The following ZSCAN18 variants were observed in gnomAD, a reference collection of about 807,000 sequenced individuals.
ZSCAN18 encodes the protein zinc finger and SCAN domain containing 18.
In ZSCAN18, 16 loss-of-function variants were observed where a neutral mutation model predicts 31.1. That is an observed-to-expected ratio of 0.51 (90% CI 0.35 to 0.78). ZSCAN18 has a LOEUF of 0.78. ZSCAN18 is among the 30% of genes least tolerant of loss of function. The pLI, the probability that ZSCAN18 is intolerant of heterozygous loss-of-function variation, is 0.01. For missense variants in ZSCAN18, 731 were observed against 697.4 expected, an observed-to-expected ratio of 1.05 and a Z score of -0.54; for synonymous variants, 375 against 320.7, an observed-to-expected ratio of 1.17 and a Z score of -1.81.
Position 58,086,006 on chromosome 19 carries a change from A to G in ZSCAN18, c.838+168T>C, listed in dbSNP as rs2074272303. ...GTGGTCTGTCATGCAGCAAGAGACC[A>G]TGGACGTAACTGGATTCCTGCCTCA... On this transcript the variant is annotated intron_variant, in intron 6 of 6. Transcript: ENST00000601144. 5 of 628,468 alleles carry G rather than the reference A, an allele frequency of 8.0e-6. No individual in the cohort carries two copies. The Admixed American group carries it at 8.5e-5, about 11-fold the overall frequency. The allele number at this position is 628,468 out of a possible 1,614,324, so 38.9% of individuals were successfully genotyped here. A position where few individuals can be genotyped will look rare whatever the true frequency, so the allele number is the denominator to read the frequency against.
upstream of ZSCAN18, among the ~76,000 whole-genome samples, chr19:58,102,680 T>A (rs957430902): frequency 1.3e-4 from 18 of 136,692 alleles, no homozygotes; most frequent in African/African-American, 4.6e-4. Context: ...GATATGTCAA[T>A]GTTAATTGTC....
In ZSCAN18 at chr19:58,084,791, C is replaced by G; in HGVS notation, c.1427G>C (p.Gly476Ala). 3 of 1,576,132 alleles carry G rather than the reference C, an allele frequency of 1.9e-6. No individual in the cohort carries two copies. The highest frequency in any genetic ancestry group is 1.3e-5 in the African/African-American group (1 of 74,364). ...EKSYALGGAR[G>A]PQPSTREAQA... is the part of the protein sequence containing the mutation. ...GGCTTCGCGGGTGGACGGTTGGGGG[C>G]CCCGGGCGCCCCCCAGCGCGTAGCT... The change falls in exon 7 of 7, where the codon GGC (glycine) becomes GCC (alanine). Residue 476 changes from glycine to alanine, a missense_variant. Physicochemically the swap from Gly to Ala is moderately conservative, Grantham distance 60 (BLOSUM62 0). Transcript: ENST00000601144. The surrounding 1 kb of genome is among the most constrained non-coding windows in gnomAD (Gnocchi z 4.5).
chr19:58,116,079 G>C (rs927301510), intron 1 of ZSCAN18, among the ~76,000 whole-genome samples: 2 of 151,060 alleles, frequency 1.3e-5, no homozygotes, highest in Non-Finnish European at 2.9e-5. Flanking sequence ...GAGAGAAGAA[G>C]GTTGCAAAGT....
Position 58,086,932 on chromosome 19 carries a change from T to C in ZSCAN18, c.719A>G (p.Lys240Arg), listed in dbSNP as rs1260880039. ...GHLDPAEENL[K>R]SYRKLLLWGY... The stretch of plus-strand genomic sequence containing the variant: ...CCACAGGAGCAGCTTCCGGTAGCTC[T>C]TCAGGTTCTCCTCGGCAGGGTCCAG... Residue 240 changes from lysine (K) to arginine (R), a missense_variant, in exon 5 of 7, where the codon AAG becomes AGG. Physicochemically the swap from Lys to Arg is conservative, Grantham distance 26. Around this residue, in one of 4 missense-constraint regions of ZSCAN18, gnomAD observed 597 missense variants for 499.5 expected, o/e 1.20. Transcript: ENST00000601144. 1 of 1,613,774 alleles carries C rather than the reference T, an allele frequency of 6.2e-7. No homozygotes were observed. The highest frequency in any genetic ancestry group is 2.2e-5 in the East Asian group (1 of 44,872).
Position 58,085,268 on chromosome 19 carries a change from G to A in ZSCAN18, c.950C>T (p.Pro317Leu). 1 of 1,602,894 alleles carries A rather than the reference G, an allele frequency of 6.2e-7. No homozygotes were observed. The highest frequency in any genetic ancestry group is 8.5e-7 in the Non-Finnish European group (1 of 1,178,010). The stretch of plus-strand genomic sequence containing the variant: ...CTCCTCCTCAGTGGTGCCCGACGGG[G>A]GATCGGCAAGGGCGTCCCCAGGGGG... The part of the protein sequence containing the change: ...EAPPGDALAD[P>L]PSGTTEEEEE... The change falls in exon 7 of 7, where the codon CCC (proline) becomes CTC (leucine). Residue 317 changes from proline to leucine, a missense_variant. This residue lies in a region of ZSCAN18 where 597 missense variants were observed against 499.5 expected (regional missense o/e 1.20). Coordinates refer to ENST00000601144, the MANE Select transcript of ZSCAN18 (RefSeq NM_001145543.2).
chr19:58,095,907 C>T (rs570498881), intron 1 of ZSCAN18, among the ~76,000 whole-genome samples: 2 of 152,344 alleles, frequency 1.3e-5, no homozygotes, highest in East Asian at 3.9e-4. Context: ...GAAGCTGCTG[C>T]CTCCTGTGAA....
intron 1 of ZSCAN18, among the ~76,000 whole-genome samples, chr19:58,117,174 T>C (rs1042718451): frequency 2.6e-5 from 4 of 152,104 alleles, no homozygotes; most frequent in African/African-American, 7.2e-5. Context: ...GATGTGGGGA[T>C]TGGGGAAAAG....
intron 1 of ZSCAN18, chr19:58,092,517 A>T: frequency 6.1e-6 from 1 of 163,984 alleles, no homozygotes; most frequent in Non-Finnish European, 1.2e-5. Flanking sequence ...TGGAGGCTGT[A>T]GTGAGCTGAG....
At position 58,083,959 on chromosome 19, in the gene ZSCAN18, C is replaced by T. The variant is rs761256866; in HGVS notation, c.*726G>A. 2 of 152,234 alleles carry T rather than the reference C, an allele frequency of 1.3e-5. No individual in the cohort carries two copies. Among genetic ancestry groups the T allele is most frequent in the Admixed American group, 6.5e-5 (1 of 15,282 alleles). 9.4% of individuals were successfully genotyped at this position (152,234 alleles called of 1,614,324 possible). ...TGTCTTACATTGCAACCAGTTCTCA[C>T]ATTTAGATGTATGGGTGAAAAGTTT... is the stretch of plus-strand genomic sequence containing the variant. On this transcript the variant is annotated 3_prime_UTR_variant, in exon 7 of 7. Coordinates refer to ENST00000601144, the MANE Select transcript of ZSCAN18 (RefSeq NM_001145543.2).
At position 58,118,352 on chromosome 19, in the gene ZSCAN18, C is replaced by G. The variant is rs1311082368; in HGVS notation, c.45G>C (p.Ala15=). 3 of 1,533,178 alleles carry G rather than the reference C, an allele frequency of 2.0e-6. No individual in the cohort carries two copies. In the South Asian group the frequency reaches 3.7e-5, roughly 19 times the overall value. 95.0% of individuals were successfully genotyped at this position (1,533,178 alleles called of 1,614,324 possible). A position where few individuals can be genotyped will look rare whatever the true frequency, so the allele number is the denominator to read the frequency against. ...CCGCGAGAGGACGGAACTCACTTCC[C>G]GCCGCCGTAGCGTCCTCGTCAGCTC... Residue 15 remains alanine (A), a synonymous_variant, in exon 1 of 2, where the codon GCG becomes GCC. Transcript: ENST00000595721.
upstream of ZSCAN18, among the ~76,000 whole-genome samples, chr19:58,100,427 A>G (rs1414425754): frequency 6.6e-6 from 1 of 152,178 alleles, no homozygotes; most frequent in Non-Finnish European, 1.5e-5. Flanking sequence ...CGTGGGGCAG[A>G]GAGAGGGTCC....
upstream of ZSCAN18, among the ~76,000 whole-genome samples, chr19:58,102,942 G>A (rs1203500427): frequency 6.6e-6 from 1 of 152,012 alleles, no homozygotes; most frequent in Non-Finnish European, 1.5e-5. Flanking sequence ...GACCAGCCTG[G>A]CAAAACCTCG....
At chr19:58,101,762 C>T (rs907912817), upstream of ZSCAN18, among the ~76,000 whole-genome samples, 1 of 151,810 alleles carries the variant, frequency 6.6e-6, no homozygotes, top group African/African-American at 2.4e-5. Context: ...TCAGGTGATT[C>T]GCCCACCTTG....
At chr19:58,096,066 ACT>A (rs2074514044) in intron 1 of ZSCAN18, among the ~76,000 whole-genome samples, 1 of 151,996 alleles carries the variant, frequency 6.6e-6, no homozygotes, top group African/African-American at 2.4e-5. Flanking sequence ...TGTCAAGAGG[ACT>A]CTCAGAGATC....
intron 6 of ZSCAN18, 104 bp downstream of exon 6, chr19:58,086,070 G>A: frequency 1.1e-6 from 1 of 899,196 alleles, no homozygotes; most frequent in Non-Finnish European, 1.8e-6. Flanking sequence ...AGCAGTCAAT[G>A]CTGAGGTCTT....
intron 1 of ZSCAN18, among the ~76,000 whole-genome samples, chr19:58,114,905 A>G (rs976484544): frequency 5.3e-5 from 8 of 152,226 alleles, no homozygotes; most frequent in South Asian, 4.1e-4. Context: ...AGGTGAACTT[A>G]TAACAGGTTT....
chr19:58,098,436 A>G, upstream of ZSCAN18: 1 of 949,256 alleles, frequency 1.1e-6, no homozygotes, highest in South Asian at 4.9e-5. Context: ...CGAAGTAAAC[A>G]AGCGGGTAAA....
chr19:58,086,038 C>T (rs1064267), intron 6 of ZSCAN18, 136 bp downstream of exon 6: 114,954 of 689,528 alleles, frequency 0.17, 11,363 homozygotes, highest in Middle Eastern at 0.23. Flanking sequence ...CTCACTCAGA[C>T]ACGGTGGTGG....
chr19:58,108,285 A>T, intron 1 of ZSCAN18: 1 of 985,510 alleles, frequency 1.0e-6, no homozygotes, highest in African/African-American at 1.7e-5. Flanking sequence ...GTGAATTCTC[A>T]GATGGACAAT....
Sources: gnomAD v4.1 joint callset for allele counts (sites outside exome capture counted in the v4.1 genomes callset) on GRCh38, gnomAD v4.1.1 for gene constraint, gnomAD v4.1.1 regional missense constraint, Gnocchi (gnomAD v3.1) non-coding constraint, MANE v1.5 for transcripts, NCBI Gene and HGNC (gene_info 2026-07-23, HGNC 2026-07-21) for gene names.